TBC1D5: variants seen among roughly 807,000 people sequenced by gnomAD.
TBC1D5 encodes TBC1 domain family member 5.
In TBC1D5, 75 loss-of-function variants were observed where a neutral mutation model predicts 100.3. The ratio of observed to expected loss-of-function variants is 0.75; its 90% CI spans 0.62 to 0.91. TBC1D5 has a LOEUF of 0.91. Ranked by LOEUF, TBC1D5 falls within the 40% of genes least tolerant of loss-of-function variation. The pLI is 0.00. For synonymous variants in TBC1D5, 323 were observed against 325.6 expected, an observed-to-expected ratio of 0.99 and a Z score of 0.09; for missense variants, 910 against 942.4, an observed-to-expected ratio of 0.97 and a Z score of 0.45.
At chr3:17,385,002 G>A (rs1027348660) in intron 8 of TBC1D5, among the ~76,000 whole-genome samples, 1 of 152,174 alleles carries the variant, frequency 6.6e-6, no homozygotes, top group East Asian at 1.9e-4. Flanking sequence ...ACTTAAGAGT[G>A]CATTATAATA....
chr3:17,193,845 C>G (rs2070294743), intron 18 of TBC1D5, among the ~76,000 whole-genome samples: 3 of 152,194 alleles, frequency 2.0e-5, no homozygotes, highest in Non-Finnish European at 4.4e-5. Flanking sequence ...ACAGAGGACA[C>G]ACTTACAGAA....
chr3:17,342,162 G>A (rs1283160843), intron 13 of TBC1D5, among the ~76,000 whole-genome samples: 4 of 152,152 alleles, frequency 2.6e-5, no homozygotes, highest in South Asian at 2.1e-4. Context: ...CTGACTATCT[G>A]CTGAGACTTA....
Position 17,493,232 on chromosome 3 carries a change from AT to A in TBC1D5, c.97+15241del, listed in dbSNP as rs540416620. Among the ~76,000 whole-genome samples, 855 of 143,260 alleles carry A rather than the reference AT, an allele frequency of 6.0e-3. 1 individual carries two copies. The highest frequency in any genetic ancestry group is 8.8e-3 in the African/African-American group (347 of 39,288). 94.0% of individuals were successfully genotyped at this position (143,260 alleles called of 152,430 possible). On this transcript the variant is annotated intron_variant, in intron 3 of 21. Transcript: ENST00000253692. ...GATGTGAAATTGTGGGTTGGAAATTATTTTTTTTTTTTTTAAGAATGTTGAA... is the reference window on the plus strand; with the variant it reads ...GATGTGAAATTGTGGGTTGGAAATTATTTTTTTTTTTTTAAGAATGTTGAA...
At position 17,503,599 on chromosome 3, in the gene TBC1D5, G is replaced by T; in HGVS notation, c.97+4875C>A. Among the ~76,000 whole-genome samples the T allele has an allele frequency of 1.3e-5, 2 of 149,372 alleles. 1 individual carries two copies. Among genetic ancestry groups the T allele is most frequent in the Non-Finnish European group, 2.9e-5 (2 of 67,898 alleles). On this transcript the variant is annotated intron_variant, in intron 3 of 21. Transcript: ENST00000253692. ...AAAGCTGCTACTCCGATAGTTACTG[G>T]TTCTATCATATTTCATACAAAAAAC...
At chr3:17,592,649 G>T (rs2060305586) in intron 2 of TBC1D5, among the ~76,000 whole-genome samples, 1 of 152,170 alleles carries the variant, frequency 6.6e-6, no homozygotes, top group Non-Finnish European at 1.5e-5. Context: ...ACAGGAGAAG[G>T]CTCTGCAACA....
chr3:17,709,358 A>G (rs1178831687), intron 1 of TBC1D5, among the ~76,000 whole-genome samples: 1 of 152,218 alleles, frequency 6.6e-6, no homozygotes, highest in Non-Finnish European at 1.5e-5. Context: ...GACTCTAAAA[A>G]TGGAGTCAGA....
intron 14 of TBC1D5, among the ~76,000 whole-genome samples, chr3:17,302,456 C>T (rs576530243): frequency 6.6e-6 from 1 of 152,118 alleles, no homozygotes; most frequent in African/African-American, 2.4e-5. Context: ...GAAGTTAGGA[C>T]TTCAATATAT....
At chr3:17,656,827 GAATA>G (rs959246625) in intron 1 of TBC1D5, among the ~76,000 whole-genome samples, 1 of 98,580 alleles carries the variant, frequency 1.0e-5, no homozygotes, top group African/African-American at 3.4e-5. Context: ...ACATACAGAT[GAATA>G]TATATATATA....
intron 15 of TBC1D5, among the ~76,000 whole-genome samples, chr3:17,277,083 C>G (rs2080096370): frequency 6.6e-6 from 1 of 152,212 alleles, no homozygotes; most frequent in Non-Finnish European, 1.5e-5. Context: ...CACTGGGTTT[C>G]ATTTGTTATA....
At chr3:17,726,971 A>G (rs542783154) in intron 1 of TBC1D5, among the ~76,000 whole-genome samples, 1 of 152,246 alleles carries the variant, frequency 6.6e-6, no homozygotes, top group African/African-American at 2.4e-5. Context: ...GATCAATCCT[A>G]TTATACGGCT....
At chr3:17,715,004 G>C (rs1051532199) in intron 1 of TBC1D5, among the ~76,000 whole-genome samples, 4 of 152,142 alleles carry the variant, frequency 2.6e-5, no homozygotes, top group African/African-American at 9.7e-5. Flanking sequence ...AAGGAAGGAA[G>C]GAAGATAGCA....
chr3:17,324,280 T>C (rs1017488800), intron 13 of TBC1D5, among the ~76,000 whole-genome samples: 37 of 152,206 alleles, frequency 2.4e-4, no homozygotes, highest in Non-Finnish European at 4.6e-4. Flanking sequence ...TAGAAAACTC[T>C]AATAATAAAA....
intron 13 of TBC1D5, among the ~76,000 whole-genome samples, chr3:17,316,287 C>T (rs1338312490): frequency 6.6e-6 from 1 of 152,102 alleles, no homozygotes; most frequent in Non-Finnish European, 1.5e-5. Flanking sequence ...AGGCAGTGGC[C>T]ATGGGAGTTT....
At chr3:17,257,646 T>C (rs1174109166) in intron 16 of TBC1D5, among the ~76,000 whole-genome samples, 1 of 152,198 alleles carries the variant, frequency 6.6e-6, no homozygotes, top group Non-Finnish European at 1.5e-5. Context: ...CATTTTGTTG[T>C]AAACTTCTTC....
intron 2 of TBC1D5, among the ~76,000 whole-genome samples, chr3:17,510,050 A>T (rs1424039636): frequency 2.7e-4 from 41 of 152,042 alleles, no homozygotes; most frequent in Non-Finnish European, 1.5e-5. Flanking sequence ...TAATGTAAGT[A>T]ACATAATCTT....
intron 19 of TBC1D5, among the ~76,000 whole-genome samples, chr3:17,173,634 A>G (rs911811629): frequency 6.6e-6 from 1 of 152,150 alleles, no homozygotes; most frequent in Non-Finnish European, 1.5e-5. Flanking sequence ...TGCAATTACT[A>G]TTATTGCCTA....
chr3:17,514,490 G>C (rs1672210142), intron 2 of TBC1D5, among the ~76,000 whole-genome samples: 1 of 152,010 alleles, frequency 6.6e-6, no homozygotes, highest in South Asian at 2.1e-4. Context: ...ATGATCAAAA[G>C]AAAATCAAAA....
intron 2 of TBC1D5, among the ~76,000 whole-genome samples, chr3:17,516,675 C>A (rs78633307): frequency 0.069 from 10,490 of 152,136 alleles, 711 homozygotes; most frequent in African/African-American, 0.18. Flanking sequence ...CCTTTGTACC[C>A]CCATAATATG....
chr3:17,358,174 T>TTTTTG (rs768719767), intron 13 of TBC1D5, among the ~76,000 whole-genome samples: 107 of 150,774 alleles, frequency 7.1e-4, no homozygotes, highest in African/African-American at 2.5e-3. Flanking sequence ...TTCACTTTTT[T>TTTTTG]TTTGTTTGTT....
Sources: allele counts gnomAD v4.1 joint callset (sites outside exome capture counted in the v4.1 genomes callset), GRCh38; gene constraint gnomAD v4.1.1; transcripts MANE v1.5; gene names NCBI Gene and HGNC (gene_info 2026-07-23, HGNC 2026-07-21).